ERC1: variants seen among roughly 807,000 people sequenced by gnomAD.
ERC1 encodes the protein RAB6 interacting protein 2.
ERC1 carries 56 observed loss-of-function variants against 132.0 expected under a neutral mutation model. The ratio of observed to expected loss-of-function variants is 0.42; its 90% confidence interval spans 0.34 to 0.53. The LOEUF is 0.53. Ranked by LOEUF, ERC1 falls within the 20% of genes least tolerant of loss-of-function variation. The pLI, the probability that ERC1 is intolerant of heterozygous loss-of-function variation, is 0.03. For synonymous variants in ERC1, 478 were observed against 476.1 expected, an observed-to-expected ratio of 1.00 and a Z score of -0.05; for missense variants, 1,202 against 1,349.9, an observed-to-expected ratio of 0.89 and a Z score of 1.72.
chr12:1,110,180 C>T lies in ERC1; in HGVS notation c.1162-12C>T. 2 of 1,587,702 alleles carry T rather than the reference C, an allele frequency of 1.3e-6. No homozygotes were observed. Among genetic ancestry groups the T allele is most frequent in the Non-Finnish European group, 1.7e-6 (2 of 1,170,296 alleles). ...TGAATACTTCAATCACTAAATCTTC[C>T]ATTGTCTTCAGGATTCAAAAATTTC... On this transcript the variant is annotated splice_polypyrimidine_tract_variant and intron_variant, in intron 4 of 18. Transcript: ENST00000360905.
rs764662236 is a variant in ERC1 at position 1,490,255 on chromosome 12, G to A, written c.*25G>A. On this transcript the variant is annotated 3_prime_UTR_variant, in exon 19 of 19. Transcript: ENST00000360905. ...ACCCTGCTTTATGGGGAAGCCTGAG[G>A]TAGTCAACCCAGGAGCCAAGAAAAG... is the stretch of plus-strand genomic sequence containing the variant. 1.2e-6 allele frequency: 2 copies of A among 1,609,098 alleles called. No homozygotes were observed. Among genetic ancestry groups the A allele is most frequent in the Admixed American group, 1.7e-5 (1 of 59,666 alleles).
chr12:1,450,634 C>G (rs1288332688), intron 18 of ERC1, among the ~76,000 whole-genome samples: 2 of 152,174 alleles, frequency 1.3e-5, no homozygotes, highest in Non-Finnish European at 2.9e-5. Context: ...CGAGACTGTG[C>G]TTTCCGTTCT....
At chr12:1,158,620 T>A (rs968177974) in intron 8 of ERC1, among the ~76,000 whole-genome samples, 1 of 150,996 alleles carries the variant, frequency 6.6e-6, no homozygotes. Flanking sequence ...TTTTTTTTTT[T>A]TTTTATAGTT....
chr12:1,424,833 A>G (rs368402857), intron 17 of ERC1, among the ~76,000 whole-genome samples: 2 of 94,654 alleles, frequency 2.1e-5, no homozygotes, highest in African/African-American at 7.5e-5. Flanking sequence ...ATAGATAGAT[A>G]GATAGATAGA....
intron 6 of ERC1, 60 bp from the exon 7 acceptor site, chr12:1,115,806 A>C (rs7973392): frequency 0.24 from 331,829 of 1,382,580 alleles, 42,456 homozygotes; most frequent in African/African-American, 0.37. Context: ...TGTGAAAGAT[A>C]CAGATAAGAG....
intron 17 of ERC1, among the ~76,000 whole-genome samples, chr12:1,415,515 A>G (rs572662695): frequency 6.6e-6 from 1 of 151,882 alleles, no homozygotes; most frequent in African/African-American, 2.4e-5. Context: ...CTTTTTGTCC[A>G]TCTTAGTGGA....
chr12:1,024,418 C>G (rs1966789995), intron 1 of ERC1, among the ~76,000 whole-genome samples: 5 of 151,968 alleles, frequency 3.3e-5, no homozygotes, highest in Admixed American at 3.3e-4. Flanking sequence ...CCTCTCCACC[C>G]CGCTCCCCCC....
chr12:1,183,283 T>A lies in ERC1; in HGVS notation c.2019T>A (p.Ala673=). ...LLQGDLSEKE[A]SLLDLKEHAS... ...TAGATGTGTGTTCCTTCTTTTAGGCTTCACTTTTGGATCTGAAAGAGCATG... is the reference window on the plus strand; with the variant it reads ...TAGATGTGTGTTCCTTCTTTTAGGCATCACTTTTGGATCTGAAAGAGCATG... Residue 673 remains alanine (A), a splice_region_variant and synonymous_variant, in exon 11 of 19, where the codon GCT becomes GCA. Transcript: ENST00000360905. The A allele has an allele frequency of 6.5e-7, 1 of 1,546,718 alleles. No homozygotes were observed. The highest frequency in any genetic ancestry group is 8.8e-7 in the Non-Finnish European group (1 of 1,140,214).
Position 1,293,246 on chromosome 12 carries a change from A to C in ERC1, c.2780+3234A>C, listed in dbSNP as rs982040996. On this transcript the variant is annotated intron_variant, in intron 15 of 18. Coordinates refer to ENST00000360905, the MANE Select transcript of ERC1 (RefSeq NM_178040.4). Reference sequence around the variant, plus strand: ...GAGGCGGGCAGATCACGAGGTCAGAAGATTGAGACCATCCTGGCTAACACG... The same window carrying C: ...GAGGCGGGCAGATCACGAGGTCAGACGATTGAGACCATCCTGGCTAACACG... 6.0e-5 allele frequency among the ~76,000 whole-genome samples: 9 copies of C among 151,182 alleles called. 1 individual carries two copies. Among genetic ancestry groups the C allele is most frequent in the Non-Finnish European group, 1.3e-4 (9 of 67,694 alleles).
intron 7 of ERC1, among the ~76,000 whole-genome samples, chr12:1,125,909 C>CATGAA (rs1284556705): frequency 6.6e-6 from 1 of 152,152 alleles, no homozygotes; most frequent in African/African-American, 2.4e-5. Flanking sequence ...ACAAATACTA[C>CATGAA]ATATGATTCC....
At chr12:1,458,548 T>A (rs2093586327) in intron 18 of ERC1, among the ~76,000 whole-genome samples, 1 of 151,500 alleles carries the variant, frequency 6.6e-6, no homozygotes, top group Non-Finnish European at 1.5e-5. Flanking sequence ...TTTTTTTTTT[T>A]TTTGAGATGG....
intron 18 of ERC1, among the ~76,000 whole-genome samples, chr12:1,452,229 G>A (rs956955749): frequency 1.3e-5 from 2 of 152,078 alleles, no homozygotes; most frequent in Non-Finnish European, 2.9e-5. Flanking sequence ...CTTTTAAGAT[G>A]TGGTTCCATT....
chr12:1,336,944 T>C (rs538185329), intron 15 of ERC1, among the ~76,000 whole-genome samples: 2 of 152,282 alleles, frequency 1.3e-5, no homozygotes, highest in South Asian at 4.1e-4. Flanking sequence ...ACTACAGGCA[T>C]GCACGAGCAT....
At chr12:1,326,101 T>C (rs2082426725) in intron 15 of ERC1, among the ~76,000 whole-genome samples, 2 of 152,176 alleles carry the variant, frequency 1.3e-5, no homozygotes. Context: ...GATTTCTTTT[T>C]ATGAAAGAAT....
intron 12 of ERC1, chr12:1,190,340 A>G: frequency 2.3e-6 from 1 of 431,658 alleles, no homozygotes; most frequent in Non-Finnish European, 4.4e-6. Flanking sequence ...TTACTGGCAA[A>G]TCAAGAGAGG....
intron 13 of ERC1, among the ~76,000 whole-genome samples, chr12:1,261,357 T>C (rs2077133369): frequency 6.6e-6 from 1 of 152,232 alleles, no homozygotes; most frequent in South Asian, 2.1e-4. Flanking sequence ...GTATTAATAA[T>C]GTTTCTTTAT....
intron 16 of ERC1, among the ~76,000 whole-genome samples, chr12:1,376,914 G>A (rs889845582): frequency 2.4e-4 from 36 of 152,048 alleles, no homozygotes; most frequent in Non-Finnish European, 1.3e-4. Flanking sequence ...ATCACCTTTC[G>A]GTACACGCGG....
In ERC1 at chr12:1,444,731, A is replaced by G; in HGVS notation, c.3194A>G (p.Gln1065Arg). ...CAGGCGGCTTGGGAGAATGAGCTGCAGAAGATGACCCGGGGGCAGGTGAGC... is the reference window on the plus strand; with the variant it reads ...CAGGCGGCTTGGGAGAATGAGCTGCGGAAGATGACCCGGGGGCAGGTGAGC... ...DDQAAWENEL[Q>R]KMTRGQLQDE... The change falls in exon 18 of 19, where the codon CAG (glutamine) becomes CGG (arginine). Residue 1065 changes from glutamine (Q) to arginine (R), a missense_variant. Gln to Arg is a conservative substitution (Grantham distance 43). Transcript: ENST00000360905. 6.2e-7 allele frequency: 1 copy of G among 1,613,808 alleles called. No homozygotes were observed. The highest frequency in any genetic ancestry group is 1.1e-5 in the South Asian group (1 of 90,960).
chr12:1,386,698 T>C (rs2089419324), intron 16 of ERC1: 3 of 147,414 alleles, frequency 2.0e-5, no homozygotes, highest in Admixed American at 2.0e-4. Flanking sequence ...AGTATACATG[T>C]CAGTGAAATT....
Sources: gnomAD v4.1 joint callset for allele counts (sites outside exome capture counted in the v4.1 genomes callset) on GRCh38, gnomAD v4.1.1 for gene constraint, MANE v1.5 for transcripts, NCBI Gene and HGNC (gene_info 2026-07-23, HGNC 2026-07-21) for gene names.